The following MTHFD2L variants were observed in gnomAD, a reference collection of about 807,000 sequenced individuals.
MTHFD2L encodes the protein methylenetetrahydrofolate dehydrogenase (NADP+ dependent) 2 like, also known as bifunctional methylenetetrahydrofolate dehydrogenase/cyclohydrolase 2, mitochondrial.
In MTHFD2L, 29 loss-of-function variants were observed where a neutral mutation model predicts 34.9. That is an observed-to-expected ratio of 0.83 (90% CI 0.62 to 1.13). MTHFD2L has a LOEUF of 1.13. MTHFD2L is among the 50% of genes most tolerant of loss of function. The pLI is 0.00. For synonymous variants in MTHFD2L, 167 were observed against 155.7 expected, an observed-to-expected ratio of 1.07 and a Z score of -0.54; for missense variants, 481 against 446.5, an observed-to-expected ratio of 1.08 and a Z score of -0.70.
In MTHFD2L at chr4:74,163,995, T is replaced by C. The variant is rs938370666; in HGVS notation, c.143+5714T>C. Among the ~76,000 whole-genome samples, 3 of 152,130 alleles carry C rather than the reference T, an allele frequency of 2.0e-5. No homozygotes were observed. The East Asian group carries it at 5.8e-4, about 29-fold the overall frequency. On this transcript the variant is annotated intron_variant, in intron 1 of 7. Transcript: ENST00000325278. Reference sequence around the variant, plus strand: ...GGTTCATGCCATTCTCCTGCCTCAGTCTCCCAAGTAGCTGGGACTACAGGC... The same window carrying C: ...GGTTCATGCCATTCTCCTGCCTCAGCCTCCCAAGTAGCTGGGACTACAGGC...
chr4:74,156,415 T>G (rs1175919011), upstream of MTHFD2L: 1 of 152,192 alleles, frequency 6.6e-6, no homozygotes. Flanking sequence ...GCTTGGTAGC[T>G]TGCTCCTTTT....
intron 6 of MTHFD2L, among the ~76,000 whole-genome samples, chr4:74,232,497 C>G (rs1279906624): frequency 6.6e-6 from 1 of 152,088 alleles, no homozygotes. Flanking sequence ...AACCCATGCC[C>G]AAAGCCTAAG....
intron 3 of MTHFD2L, among the ~76,000 whole-genome samples, chr4:74,196,739 A>G (rs1049953581): frequency 6.6e-6 from 1 of 152,080 alleles, no homozygotes; most frequent in African/African-American, 2.4e-5. Context: ...CGAGGTCAGG[A>G]GTTTGAGACC....
chr4:74,220,105 G>A (rs1309924035), intron 5 of MTHFD2L, among the ~76,000 whole-genome samples: 1 of 148,698 alleles, frequency 6.7e-6, no homozygotes, highest in East Asian at 1.9e-4. Flanking sequence ...TTTTTTTTTG[G>A]TAGGGATTTG....
chr4:74,203,868 G>A (rs1429201829), intron 5 of MTHFD2L, among the ~76,000 whole-genome samples: 1 of 146,202 alleles, frequency 6.8e-6, no homozygotes, highest in African/African-American at 2.5e-5. Context: ...ATTTCTTCTT[G>A]GAAAATTTTG....
intron 1 of MTHFD2L, among the ~76,000 whole-genome samples, chr4:74,141,995 G>T (rs915667986): frequency 6.6e-6 from 1 of 152,196 alleles, no homozygotes; most frequent in Non-Finnish European, 1.5e-5. Flanking sequence ...GAGAGTCTCA[G>T]CTTGAGCCTA....
chr4:74,125,298 T>C (rs573281876), upstream of MTHFD2L: 2 of 152,274 alleles, frequency 1.3e-5, no homozygotes, highest in South Asian at 4.1e-4. Context: ...GTGGGGTTCC[T>C]GCAGCTCCCA....
chr4:74,139,520 G>T (rs566722417), intron 1 of MTHFD2L, among the ~76,000 whole-genome samples: 1 of 152,240 alleles, frequency 6.6e-6, no homozygotes, highest in East Asian at 1.9e-4. Context: ...AGCCCAAGAT[G>T]GTGGAAAAGC....
intron 1 of MTHFD2L, among the ~76,000 whole-genome samples, chr4:74,167,552 A>G (rs1305715209): frequency 6.6e-6 from 1 of 152,242 alleles, no homozygotes; most frequent in Non-Finnish European, 1.5e-5. Context: ...GGGAGCTCAC[A>G]GCAGATTCCC....
intron 6 of MTHFD2L, among the ~76,000 whole-genome samples, chr4:74,228,633 A>G (rs1025064536): frequency 6.6e-6 from 1 of 152,234 alleles, no homozygotes; most frequent in African/African-American, 2.4e-5. Flanking sequence ...AGCTTATGCC[A>G]TAATGCCAAC....
chr4:74,281,339 G>T, intron 6 of MTHFD2L, 86 bp from the exon 7 acceptor site: 1 of 1,235,792 alleles, frequency 8.1e-7, no homozygotes, highest in Non-Finnish European at 1.2e-6. Context: ...GTGTGTGTGT[G>T]TGTGTGTGTG....
chr4:74,296,390 T>A (rs531831907), intron 7 of MTHFD2L, among the ~76,000 whole-genome samples: 54 of 152,136 alleles, frequency 3.5e-4, no homozygotes, highest in African/African-American at 1.1e-3. Flanking sequence ...GGCCACACAT[T>A]TATTTTGTCC....
In MTHFD2L at chr4:74,225,368, T is replaced by C. The variant is rs771647249; in HGVS notation, c.779T>C (p.Leu260Pro). The change falls in exon 6 of 8, where the codon CTG becomes CCG. Residue 260 changes from leucine (L) to proline (P), a missense_variant. Physicochemically the swap from Leu to Pro is moderately conservative, Grantham distance 98 (BLOSUM62 -3). Coordinates refer to ENST00000325278, the MANE Select transcript of MTHFD2L (RefSeq NM_001144978.3). Reference protein sequence around the residue: ...PKEQLKIHTQLADIIIVAAGI... With the variant: ...PKEQLKIHTQPADIIIVAAGI... ...GAGCAACTGAAGATTCATACGCAGC[T>C]GGCAGATATTATCATAGTTGCTGCA... The C allele has an allele frequency of 8.1e-6, 13 of 1,613,104 alleles. No homozygotes were observed. The highest frequency in any genetic ancestry group is 1.1e-5 in the Non-Finnish European group (13 of 1,179,276).
At chr4:74,280,991 C>A (rs763658348) in intron 6 of MTHFD2L, among the ~76,000 whole-genome samples, 1 of 151,652 alleles carries the variant, frequency 6.6e-6, no homozygotes, top group African/African-American at 2.4e-5. Flanking sequence ...TCCTTTCTAT[C>A]TCTCTCCCTT....
intron 7 of MTHFD2L, among the ~76,000 whole-genome samples, chr4:74,290,903 T>C (rs1159943108): frequency 6.6e-6 from 1 of 151,850 alleles, no homozygotes; most frequent in East Asian, 1.9e-4. Context: ...CTCATTTTGC[T>C]CTTAATGCTA....
intron 1 of MTHFD2L, among the ~76,000 whole-genome samples, chr4:74,131,692 A>G (rs1722516168): frequency 6.6e-6 from 1 of 152,196 alleles, no homozygotes; most frequent in Non-Finnish European, 1.5e-5. Flanking sequence ...TCATGACTAA[A>G]ACACCAAAAG....
chr4:74,169,991 A>G (rs1454932398), intron 1 of MTHFD2L, among the ~76,000 whole-genome samples: 1 of 152,186 alleles, frequency 6.6e-6, no homozygotes, highest in African/African-American at 2.4e-5. Flanking sequence ...GTAGGTTTAA[A>G]CCTTCCCAGA....
chr4:74,146,271 A>C (rs1723587418), intron 1 of MTHFD2L, among the ~76,000 whole-genome samples: 1 of 152,214 alleles, frequency 6.6e-6, no homozygotes, highest in South Asian at 2.1e-4. Context: ...CTAAGATATT[A>C]TCAGACAAGA....
chr4:74,201,217 CT>C, intron 4 of MTHFD2L, 45 bp from the exon 5 acceptor site: 1 of 1,435,650 alleles, frequency 7.0e-7, no homozygotes, highest in South Asian at 1.2e-5. Context: ...GTTTAATTTA[CT>C]TCTTGTTGTC....
Sources: gnomAD v4.1 joint callset for allele counts (sites outside exome capture counted in the v4.1 genomes callset) on GRCh38, gnomAD v4.1.1 for gene constraint, MANE v1.5 for transcripts, NCBI Gene and HGNC (gene_info 2026-07-23, HGNC 2026-07-21) for gene names.